Variants in CADPS observed in about 807,000 individuals in gnomAD.
CADPS encodes calcium dependent secretion activator.
Under a neutral mutation model 167.3 loss-of-function variants are expected in CADPS, and 57 were observed. The ratio of observed to expected loss-of-function variants is 0.34; its 90% confidence interval spans 0.28 to 0.42. CADPS has a LOEUF of 0.42. Among genes scored for constraint, CADPS ranks in the 20% least tolerant of loss-of-function variants. The pLI is 1.00. For missense variants in CADPS, 1,414 were observed against 1,738.1 expected, an observed-to-expected ratio of 0.81 and a Z score of 3.32; for synonymous variants, 676 against 635.3, an observed-to-expected ratio of 1.06 and a Z score of -0.96.
intron 10 of CADPS, among the ~76,000 whole-genome samples, chr3:62,552,547 A>G (rs765597911): frequency 6.6e-6 from 1 of 152,214 alleles, no homozygotes; most frequent in Non-Finnish European, 1.5e-5. Context: ...CTCCTCAATT[A>G]TTAAAAACTA....
intron 28 of CADPS, among the ~76,000 whole-genome samples, chr3:62,411,701 A>G (rs1295210369): frequency 1.3e-5 from 2 of 152,184 alleles, no homozygotes; most frequent in African/African-American, 4.8e-5. Context: ...TTGGTGTTCT[A>G]ATCAAAGATT....
chr3:62,474,457 C>G, intron 23 of CADPS, 137 bp from the exon 24 acceptor site: 1 of 753,870 alleles, frequency 1.3e-6, no homozygotes, highest in Non-Finnish European at 2.2e-6. Flanking sequence ...CACATGTGTT[C>G]CCTTTTAAAT....
intron 23 of CADPS, among the ~76,000 whole-genome samples, chr3:62,477,081 TC>T (rs1162684222): frequency 1.2e-4 from 18 of 152,324 alleles, no homozygotes; most frequent in African/African-American, 4.1e-4. Context: ...AGTGCATAGT[TC>T]CTTTCTCAAT....
chr3:62,863,494 G>C (rs2081172839), intron 1 of CADPS, among the ~76,000 whole-genome samples: 1 of 152,168 alleles, frequency 6.6e-6, no homozygotes, highest in South Asian at 2.1e-4. Flanking sequence ...ACCTAGGAAA[G>C]TAATGAAAGG....
At chr3:62,453,560 GA>G (rs2058333288) in intron 26 of CADPS, among the ~76,000 whole-genome samples, 1 of 152,198 alleles carries the variant, frequency 6.6e-6, no homozygotes. Flanking sequence ...TTGGGAAGAT[GA>G]ATAAATTTTA....
At chr3:62,749,625 G>C (rs548600012) in intron 3 of CADPS, among the ~76,000 whole-genome samples, 1 of 152,324 alleles carries the variant, frequency 6.6e-6, no homozygotes, top group South Asian at 2.1e-4. Context: ...GTGCAGAGCT[G>C]AGTGTAGTCT....
In CADPS at chr3:62,516,132, T is replaced by A. The variant is rs916268187; in HGVS notation, c.2508A>T (p.Thr836=). The change falls in exon 16 of 30, where the codon ACA becomes ACT. Residue 836 remains threonine, a synonymous_variant. Coordinates refer to ENST00000383710, the MANE Select transcript of CADPS (RefSeq NM_003716.4). ...VTPVPQEEVK[T]VIRKCLEQAA... Reference sequence around the variant, plus strand: ...CCTGTTCCAGACATTTACGGATAACTGTTTTTACCTCCTCTTGTGGCACTG... The same window carrying A: ...CCTGTTCCAGACATTTACGGATAACAGTTTTTACCTCCTCTTGTGGCACTG... 13 of 1,613,246 alleles carry A rather than the reference T, an allele frequency of 8.1e-6. No homozygotes were observed. The highest frequency in any genetic ancestry group is 1.7e-5 in the Admixed American group (1 of 59,952).
intron 18 of CADPS, among the ~76,000 whole-genome samples, chr3:62,496,764 A>G (rs898628035): frequency 2.0e-5 from 3 of 152,218 alleles, no homozygotes; most frequent in African/African-American, 4.8e-5. Flanking sequence ...CCTGCGTTCT[A>G]TTGCTTGAAG....
chr3:62,546,629 T>A (rs1040559792), intron 11 of CADPS, among the ~76,000 whole-genome samples: 10 of 152,172 alleles, frequency 6.6e-5, no homozygotes, highest in Admixed American at 6.5e-4. Flanking sequence ...CAGCGGTGGA[T>A]TGAAAATATT....
intron 14 of CADPS, among the ~76,000 whole-genome samples, chr3:62,517,874 A>C (rs2069387877): frequency 6.6e-6 from 1 of 152,118 alleles, no homozygotes; most frequent in South Asian, 2.1e-4. Context: ...AACCTTGAAG[A>C]AGCTTCAAAT....
At chr3:62,419,786 G>T (rs370495544) in intron 28 of CADPS, among the ~76,000 whole-genome samples, 1 of 152,230 alleles carries the variant, frequency 6.6e-6, no homozygotes, top group East Asian at 1.9e-4. Context: ...ATATAGAAAT[G>T]ATTATAGAAA....
At chr3:62,724,339 G>A (rs145515601) in intron 3 of CADPS, among the ~76,000 whole-genome samples, 1 of 152,160 alleles carries the variant, frequency 6.6e-6, no homozygotes, top group East Asian at 1.9e-4. Flanking sequence ...GCTCTCACCT[G>A]AGCACAATTG....
At chr3:62,610,227 C>G (rs1389246686) in intron 6 of CADPS, among the ~76,000 whole-genome samples, 1 of 148,046 alleles carries the variant, frequency 6.8e-6, no homozygotes, top group Admixed American at 6.7e-5. Flanking sequence ...TCTTTCTTTT[C>G]TTTTTCTTCC....
At chr3:62,466,811 T>C (rs1466052363) in intron 24 of CADPS, 3 of 223,356 alleles carry the variant, frequency 1.3e-5, no homozygotes, top group Non-Finnish European at 2.7e-5. Context: ...GTGGCTTAGG[T>C]AGTAGATTCC....
At chr3:62,774,211 T>C (rs946886745) in intron 1 of CADPS, among the ~76,000 whole-genome samples, 2 of 152,102 alleles carry the variant, frequency 1.3e-5, no homozygotes, top group African/African-American at 4.8e-5. Flanking sequence ...GGTCTACTTT[T>C]CACCCTTCCG....
chr3:62,414,348 G>C (rs970678182), intron 28 of CADPS, among the ~76,000 whole-genome samples: 8 of 152,262 alleles, frequency 5.3e-5, no homozygotes, highest in African/African-American at 7.2e-5. Flanking sequence ...CACCACAACA[G>C]ACTTATTAAG....
intron 9 of CADPS, among the ~76,000 whole-genome samples, chr3:62,566,324 G>T (rs2080185269): frequency 6.6e-6 from 1 of 152,196 alleles, no homozygotes; most frequent in Non-Finnish European, 1.5e-5. Flanking sequence ...GGGTTTGGTG[G>T]CTAAAGAGAA....
intron 3 of CADPS, among the ~76,000 whole-genome samples, chr3:62,752,738 T>A (rs2082969596): frequency 6.6e-6 from 1 of 152,230 alleles, no homozygotes; most frequent in Non-Finnish European, 1.5e-5. Flanking sequence ...GCTGGGAATG[T>A]GCATTTTTAA....
intron 26 of CADPS, among the ~76,000 whole-genome samples, chr3:62,462,049 G>C (rs1329676099): frequency 1.3e-5 from 2 of 152,210 alleles, no homozygotes; most frequent in Admixed American, 1.3e-4. Flanking sequence ...AGGAACCTGG[G>C]TACCTGCTTG....
Sources: gnomAD v4.1 joint callset for allele counts (sites outside exome capture counted in the v4.1 genomes callset) on GRCh38, gnomAD v4.1.1 for gene constraint, MANE v1.5 for transcripts, NCBI Gene and HGNC (gene_info 2026-07-23, HGNC 2026-07-21) for gene names.